NRG3: variants seen among roughly 807,000 people sequenced by gnomAD.
NRG3 encodes pro-neuregulin-3, membrane-bound isoform.
A neutral mutation model predicts 66.9 loss-of-function variants in NRG3; 31 were observed. That is an observed-to-expected ratio of 0.46 (90% confidence interval 0.35 to 0.63). The LOEUF is 0.63. Ranked by LOEUF, NRG3 falls within the 20% of genes least tolerant of loss-of-function variation. The pLI, the probability that NRG3 is intolerant of heterozygous loss-of-function variation, is 0.00. For synonymous variants in NRG3, 393 were observed against 359.4 expected (o/e 1.09, Z -1.06); for missense variants, 910 against 878.9 (o/e 1.04, Z -0.45).
At chr10:82,744,806 A>C (rs144512951) in intron 3 of NRG3, among the ~76,000 whole-genome samples, 1 of 152,188 alleles carries the variant, frequency 6.6e-6, no homozygotes, top group African/African-American at 2.4e-5. Context: ...AATCTGTAAC[A>C]TATATAGCTG....
At chr10:82,625,202 C>T (rs1326767993) in intron 2 of NRG3, among the ~76,000 whole-genome samples, 1 of 151,874 alleles carries the variant, frequency 6.6e-6, no homozygotes. Context: ...AGGCTAACTT[C>T]CTCTCTCATA....
At chr10:82,830,576 T>G (rs2062465685) in intron 3 of NRG3, among the ~76,000 whole-genome samples, 1 of 152,228 alleles carries the variant, frequency 6.6e-6, no homozygotes, top group Non-Finnish European at 1.5e-5. Context: ...GATAGTCTTT[T>G]TATTTATTCA....
intron 1 of NRG3, among the ~76,000 whole-genome samples, chr10:82,272,358 G>A (rs1217054318): frequency 1.3e-5 from 2 of 152,066 alleles, no homozygotes; most frequent in Non-Finnish European, 2.9e-5. Context: ...TGCTGGAGGG[G>A]CTGGCTGCGC....
chr10:82,038,963 C>T (rs990512204), intron 1 of NRG3, among the ~76,000 whole-genome samples: 1 of 152,102 alleles, frequency 6.6e-6, no homozygotes, highest in African/African-American at 2.4e-5. Flanking sequence ...TTAGGCCCCA[C>T]TGAGCTCAGA....
At chr10:82,851,091 AAT>A (rs2135832492) in intron 3 of NRG3, among the ~76,000 whole-genome samples, 2 of 152,324 alleles carry the variant, frequency 1.3e-5, no homozygotes, top group African/African-American at 4.8e-5. Context: ...ATGTAAAGTA[AAT>A]AGAGTGACTG....
intron 1 of NRG3, among the ~76,000 whole-genome samples, chr10:82,041,826 C>CTGTG (rs67677405): frequency 0.63 from 95,831 of 151,176 alleles, 31,838 homozygotes; most frequent in South Asian, 0.87. Flanking sequence ...CTCTCTCTCT[C>CTGTG]TCTGTCTATT....
chr10:82,780,278 A>G (rs1365913876), intron 3 of NRG3, among the ~76,000 whole-genome samples: 2 of 152,208 alleles, frequency 1.3e-5, no homozygotes, highest in East Asian at 1.9e-4. Context: ...CTAGTACTAG[A>G]TCCTTGAGGA....
At chr10:82,105,538 A>G (rs753820986) in intron 1 of NRG3, among the ~76,000 whole-genome samples, 2 of 152,108 alleles carry the variant, frequency 1.3e-5, no homozygotes, top group African/African-American at 2.4e-5. Flanking sequence ...ATAAAAGTAG[A>G]TACTTTGCTA....
At chr10:82,218,648 T>C (rs907964074) in intron 1 of NRG3, among the ~76,000 whole-genome samples, 8 of 152,156 alleles carry the variant, frequency 5.3e-5, no homozygotes, top group Admixed American at 2.6e-4. Flanking sequence ...AGCCCTCTGC[T>C]CAGGGTGGGA....
chr10:82,815,034 C>T (rs527807028), intron 3 of NRG3, among the ~76,000 whole-genome samples: 18 of 152,320 alleles, frequency 1.2e-4, no homozygotes, highest in African/African-American at 4.1e-4. Flanking sequence ...AAAATGTTCT[C>T]ATGATTGTTG....
At chr10:82,952,128 T>G (rs1296006936) in intron 5 of NRG3, among the ~76,000 whole-genome samples, 2 of 152,144 alleles carry the variant, frequency 1.3e-5, no homozygotes, top group African/African-American at 4.8e-5. Flanking sequence ...TAAAGGTGTT[T>G]ATGTTTGACT....
At chr10:82,947,919 A>G (rs1209105651) in intron 4 of NRG3, among the ~76,000 whole-genome samples, 1 of 152,090 alleles carries the variant, frequency 6.6e-6, no homozygotes, top group African/African-American at 2.4e-5. Context: ...ATGTTGATAG[A>G]TAAAGTCCAT....
intron 1 of NRG3, among the ~76,000 whole-genome samples, chr10:82,064,807 A>C (rs2064361187): frequency 6.6e-6 from 1 of 152,200 alleles, no homozygotes; most frequent in Non-Finnish European, 1.5e-5. Flanking sequence ...AGTTTGCTGA[A>C]TAGTGAATTT....
intron 1 of NRG3, among the ~76,000 whole-genome samples, chr10:82,169,344 C>T (rs1564627733): frequency 6.6e-6 from 1 of 151,644 alleles, no homozygotes; most frequent in South Asian, 2.1e-4. Context: ...TTTTTTTTCC[C>T]ACTTTTTAAA....
At chr10:82,393,100 C>T (rs974706057) in intron 2 of NRG3, among the ~76,000 whole-genome samples, 1 of 152,072 alleles carries the variant, frequency 6.6e-6, no homozygotes, top group East Asian at 1.9e-4. Flanking sequence ...TACTTCCAAA[C>T]CTGTATCACA....
chr10:82,470,929 G>C (rs1298906902), intron 2 of NRG3, among the ~76,000 whole-genome samples: 1 of 152,106 alleles, frequency 6.6e-6, no homozygotes, highest in Non-Finnish European at 1.5e-5. Context: ...CCAGTCTGCT[G>C]TCCACACAAT....
At chr10:81,992,694 T>C (rs1276156071) in intron 1 of NRG3, among the ~76,000 whole-genome samples, 5 of 152,154 alleles carry the variant, frequency 3.3e-5, no homozygotes, top group African/African-American at 4.8e-5. Context: ...TGTCACCTCC[T>C]CTTTTTCTGT....
At chr10:82,423,616 T>C (rs991299678) in intron 2 of NRG3, among the ~76,000 whole-genome samples, 3 of 151,974 alleles carry the variant, frequency 2.0e-5, no homozygotes, top group Non-Finnish European at 2.9e-5. Flanking sequence ...CATGAAATTA[T>C]GGTGACACTT....
intron 1 of NRG3, among the ~76,000 whole-genome samples, chr10:81,930,065 C>T (rs1847191184): frequency 6.6e-6 from 1 of 152,102 alleles, no homozygotes; most frequent in African/African-American, 2.4e-5. Context: ...CCTTGGAGCA[C>T]TTAGAGGGAT....
Sources: allele counts gnomAD v4.1 joint callset (sites outside exome capture counted in the v4.1 genomes callset), GRCh38; gene constraint gnomAD v4.1.1; transcripts MANE v1.5; gene names NCBI Gene and HGNC (gene_info 2026-07-23, HGNC 2026-07-21).